LHFPL3: variants seen among roughly 807,000 people sequenced by gnomAD.
LHFPL3 encodes LHFPL tetraspan subfamily member 3.
LHFPL3 carries 5 observed loss-of-function variants against 19.3 expected under a neutral mutation model. The ratio of observed to expected loss-of-function variants is 0.26; its 90% confidence interval spans 0.14 to 0.54. The LOEUF is 0.54. LHFPL3 is among the 20% of genes least tolerant of loss of function. LHFPL3 has a pLI of 0.94. For missense variants in LHFPL3, 249 were observed against 307.4 expected (o/e 0.81, Z 1.42); for synonymous variants, 133 against 126.2 (o/e 1.05, Z -0.36).
intron 2 of LHFPL3, among the ~76,000 whole-genome samples, chr7:104,795,687 T>A (rs1039203467): frequency 7.2e-5 from 11 of 152,212 alleles, no homozygotes; most frequent in Admixed American, 4.6e-4. Flanking sequence ...TTCTGTGGTA[T>A]AAATCAGAAA....
chr7:104,564,077 A>G (rs951198008), intron 1 of LHFPL3, among the ~76,000 whole-genome samples: 5 of 152,204 alleles, frequency 3.3e-5, no homozygotes, highest in African/African-American at 4.8e-5. Context: ...CAACAATCCT[A>G]TGATGTGGCT....
chr7:104,512,749 AAAG>A (rs1227856841), intron 1 of LHFPL3, among the ~76,000 whole-genome samples: 1 of 151,662 alleles, frequency 6.6e-6, no homozygotes, highest in Non-Finnish European at 1.5e-5. Flanking sequence ...AAGAAAAAAA[AAAG>A]AGAGAGAGAG....
chr7:104,667,776 A>T (rs1131686), intron 1 of LHFPL3: 252,674 of 1,583,926 alleles, frequency 0.16, 20,818 homozygotes, highest in African/African-American at 0.2. Context: ...AAAGAAGAAT[A>T]AGAAGGGGAA....
At chr7:104,720,440 A>G (rs1010184251) in intron 1 of LHFPL3, among the ~76,000 whole-genome samples, 2 of 152,226 alleles carry the variant, frequency 1.3e-5, no homozygotes, top group African/African-American at 4.8e-5. Context: ...TAAAAACCCT[A>G]GAAGAAAACC....
At chr7:104,723,695 C>T (rs552300259) in intron 1 of LHFPL3, among the ~76,000 whole-genome samples, 1 of 134,078 alleles carries the variant, frequency 7.5e-6, no homozygotes, top group East Asian at 2.1e-4. Flanking sequence ...GCACTCCAGC[C>T]TGGGCGACAG....
intron 1 of LHFPL3, among the ~76,000 whole-genome samples, chr7:104,496,347 A>G (rs551657965): frequency 3.9e-5 from 6 of 151,944 alleles, no homozygotes; most frequent in Admixed American, 3.3e-4. Flanking sequence ...TATGTGCCAC[A>G]TTTTCTTAAT....
intron 1 of LHFPL3, among the ~76,000 whole-genome samples, chr7:104,730,398 C>A (rs1793677633): frequency 6.6e-6 from 1 of 152,200 alleles, no homozygotes; most frequent in Non-Finnish European, 1.5e-5. Context: ...ACAGCCTCTC[C>A]AGCACCTGTT....
chr7:104,806,168 G>A (rs774133521), intron 2 of LHFPL3, among the ~76,000 whole-genome samples: 1 of 152,162 alleles, frequency 6.6e-6, no homozygotes, highest in Non-Finnish European at 1.5e-5. Context: ...TTGGAGGGAA[G>A]CTCACTCATC....
At chr7:104,845,305 G>T in intron 2 of LHFPL3, 1 of 831,416 alleles carries the variant, frequency 1.2e-6, no homozygotes, top group Non-Finnish European at 2.0e-6. Context: ...GACGTTGTCA[G>T]TTTTAATCTT....
intron 2 of LHFPL3, among the ~76,000 whole-genome samples, chr7:104,767,121 C>G (rs1376747432): frequency 6.6e-6 from 1 of 152,230 alleles, no homozygotes; most frequent in Non-Finnish European, 1.5e-5. Context: ...TAAGGTAGGA[C>G]TTCCTGAAGA....
intron 1 of LHFPL3, among the ~76,000 whole-genome samples, chr7:104,342,629 G>A (rs1425774644): frequency 6.6e-6 from 1 of 152,174 alleles, no homozygotes; most frequent in Non-Finnish European, 1.5e-5. Flanking sequence ...GGAACCTGAA[G>A]TGCAGAAAGT....
At chr7:104,389,671 A>G (rs1562882934) in intron 1 of LHFPL3, among the ~76,000 whole-genome samples, 2 of 152,218 alleles carry the variant, frequency 1.3e-5, no homozygotes, top group African/African-American at 2.4e-5. Context: ...AGACATATAT[A>G]TCAAGGAATA....
chr7:104,806,627 G>GA (rs999774743), intron 2 of LHFPL3, among the ~76,000 whole-genome samples: 66 of 149,644 alleles, frequency 4.4e-4, no homozygotes, highest in South Asian at 2.5e-3. Context: ...TTTTCAACAT[G>GA]AAAAAAAAAA....
intron 1 of LHFPL3, among the ~76,000 whole-genome samples, chr7:104,353,003 C>T (rs915401682): frequency 8.5e-5 from 13 of 152,266 alleles, no homozygotes; most frequent in African/African-American, 2.9e-4. Context: ...GTAAGGGCTA[C>T]CCGGAAAGGC....
chr7:104,904,964 T>G lies in LHFPL3; in HGVS notation c.683-1223T>G, dbSNP rs575608521. Among the ~76,000 whole-genome samples the G allele has an allele frequency of 2.0e-5, 3 of 152,290 alleles. 1 individual carries two copies. The highest frequency in any genetic ancestry group is 7.2e-5 in the African/African-American group (3 of 41,560). The stretch of plus-strand genomic sequence containing the variant: ...ATTCATCCAAAAGAAACAAAATTTT[T>G]TGTGTGTGACAGGGAGGGTCTTACT... On this transcript the variant is annotated intron_variant, in intron 2 of 2. Transcript: ENST00000424859.
At chr7:104,609,511 G>A (rs993999282) in intron 1 of LHFPL3, among the ~76,000 whole-genome samples, 1 of 152,104 alleles carries the variant, frequency 6.6e-6, no homozygotes, top group African/African-American at 2.4e-5. Flanking sequence ...CACAATAAGA[G>A]GGCTCAGCTT....
At chr7:104,612,369 G>T (rs1167430313) in intron 1 of LHFPL3, among the ~76,000 whole-genome samples, 2 of 152,082 alleles carry the variant, frequency 1.3e-5, no homozygotes. Flanking sequence ...TCAGTAAATG[G>T]AGATAATGAA....
chr7:104,742,805 A>G (rs547131426), intron 2 of LHFPL3, among the ~76,000 whole-genome samples: 3 of 152,298 alleles, frequency 2.0e-5, no homozygotes, highest in African/African-American at 7.2e-5. Flanking sequence ...TGAGCACATT[A>G]AATACTCTTT....
chr7:104,632,458 A>G (rs1414387242), intron 1 of LHFPL3, among the ~76,000 whole-genome samples: 1 of 152,248 alleles, frequency 6.6e-6, no homozygotes, highest in African/African-American at 2.4e-5. Flanking sequence ...TACACATTCT[A>G]TAATGTGAAG....
Sources: allele counts gnomAD v4.1 joint callset (sites outside exome capture counted in the v4.1 genomes callset), GRCh38; gene constraint gnomAD v4.1.1; transcripts MANE v1.5; gene names NCBI Gene and HGNC (gene_info 2026-07-23, HGNC 2026-07-21).